ATP5PB: variants seen among roughly 807,000 people sequenced by gnomAD.
The protein encoded by ATP5PB is ATP synthase peripheral stalk-membrane subunit b, also known as ATP synthase peripheral stalk subunit b, mitochondrial.
ATP5PB carries 21 observed loss-of-function variants against 34.5 expected under a neutral mutation model. The ratio of observed to expected loss-of-function variants is 0.61; its 90% CI spans 0.43 to 0.88. The LOEUF (loss-of-function observed/expected upper bound fraction) is 0.88. ATP5PB is among the 40% of genes least tolerant of loss of function. The pLI is 0.00. For synonymous variants in ATP5PB, 108 were observed against 114.1 expected (o/e 0.95, Z 0.34); for missense variants, 293 against 317.4 (o/e 0.92, Z 0.58).
Position 111,462,767 on chromosome 1 carries a change from T to C in ATP5PB, c.*1773T>C, listed in dbSNP as rs1008726958. On this transcript the variant is annotated 3_prime_UTR_variant, in exon 7 of 7. Transcript: ENST00000369722. ...TTCAAATTGATTAAACAAAAAATTATAAAACACCTAGTTTGTGCTAAGCAA... is the reference window on the plus strand; with the variant it reads ...TTCAAATTGATTAAACAAAAAATTACAAAACACCTAGTTTGTGCTAAGCAA... 2 of 152,242 alleles carry C rather than the reference T, an allele frequency of 1.3e-5. No homozygotes were observed. The highest frequency in any genetic ancestry group is 2.9e-5 in the Non-Finnish European group (2 of 68,038). The allele number at this position is 152,242 out of a possible 1,614,324, so 9.4% of individuals were successfully genotyped here.
intron 5 of ATP5PB, among the ~76,000 whole-genome samples, chr1:111,457,938 A>G (rs970456905): frequency 1.3e-5 from 2 of 152,240 alleles, no homozygotes; most frequent in African/African-American, 2.4e-5. Flanking sequence ...TTAAAAAACC[A>G]TATTGGAAAA....
In ATP5PB at chr1:111,451,739, T is replaced by C. The variant is rs915519799; in HGVS notation, c.77+1866T>C. 3.3e-5 allele frequency among the ~76,000 whole-genome samples: 5 copies of C among 152,138 alleles called. No individual in the cohort carries two copies. The South Asian group carries it at 1.0e-3, about 32-fold the overall frequency. ...AGGCAGAAGGAGCAGCATAAGGCAA[T>C]TTTTTTGTGGTGTTTCTTTGTTTGT... On this transcript the variant is annotated intron_variant, in intron 2 of 6. Coordinates refer to ENST00000369722, the MANE Select transcript of ATP5PB (RefSeq NM_001688.5).
At chr1:111,457,313 A>ACACACACACACACACACG (rs1653502711) in intron 5 of ATP5PB, among the ~76,000 whole-genome samples, 1 of 55,782 alleles carries the variant, frequency 1.8e-5, no homozygotes, top group African/African-American at 1.5e-4. Context: ...ACTCTCTCAA[A>ACACACACACACACACACG]CACACACACA....
chr1:111,455,919 C>T (rs570496897), intron 3 of ATP5PB, among the ~76,000 whole-genome samples, 167 bp from the exon 4 acceptor site: 2 of 152,316 alleles, frequency 1.3e-5, no homozygotes, highest in East Asian at 3.9e-4. Flanking sequence ...GAGTCCATAT[C>T]TTTGTTCTTT....
At chr1:111,459,689 A>G (rs577284410) in intron 6 of ATP5PB, 53 bp downstream of exon 6, 83 of 1,552,284 alleles carry the variant, frequency 5.3e-5, no homozygotes, top group Non-Finnish European at 6.9e-5. Flanking sequence ...CTTAACAAGT[A>G]TCTGCTGATG....
intron 2 of ATP5PB, among the ~76,000 whole-genome samples, chr1:111,452,787 G>A (rs1282388069): frequency 2.0e-5 from 3 of 152,154 alleles, no homozygotes; most frequent in Non-Finnish European, 4.4e-5. Flanking sequence ...TGTTACCATA[G>A]GATGGGTCGG....
intron 2 of ATP5PB, among the ~76,000 whole-genome samples, 164 bp from the exon 3 acceptor site, chr1:111,454,047 A>G (rs1170400764): frequency 6.6e-6 from 1 of 152,234 alleles, no homozygotes; most frequent in Non-Finnish European, 1.5e-5. Context: ...GTCACAGCTG[A>G]TTACTGGACC....
chr1:111,454,376 C>T lies in ATP5PB; in HGVS notation c.223+20C>T. On this transcript the variant is annotated intron_variant, in intron 3 of 6. Coordinates refer to ENST00000369722, the MANE Select transcript of ATP5PB (RefSeq NM_001688.5). ...TAACAGGTGAGCATTTTTGCCTAGT[C>T]TCTGGTAATATGTTTTGATGGCACC... 1 of 1,579,116 alleles carries T rather than the reference C, an allele frequency of 6.3e-7. No homozygotes were observed.
intron 3 of ATP5PB, among the ~76,000 whole-genome samples, chr1:111,454,999 T>G (rs1653432310): frequency 6.6e-6 from 1 of 152,202 alleles, no homozygotes; most frequent in Non-Finnish European, 1.5e-5. Context: ...AACTGTATAA[T>G]ATACTGTTAG....
chr1:111,449,734 G>A, intron 1 of ATP5PB, 103 bp from the exon 2 acceptor site: 2 of 1,584,322 alleles, frequency 1.3e-6, no homozygotes, highest in African/African-American at 1.3e-5. Context: ...TGAGGGACGG[G>A]AAAGAGGGGT....
chr1:111,456,300 G>A, intron 4 of ATP5PB, 51 bp downstream of exon 4: 6 of 1,476,568 alleles, frequency 4.1e-6, no homozygotes, highest in Non-Finnish European at 5.4e-6. Flanking sequence ...AAACATGAAG[G>A]TCATCTAGTG....
At chr1:111,453,673 C>T (rs1653391620) in intron 2 of ATP5PB, among the ~76,000 whole-genome samples, 1 of 152,218 alleles carries the variant, frequency 6.6e-6, no homozygotes, top group South Asian at 2.1e-4. Context: ...GAGCTTACAA[C>T]ATATCAGGCA....
At chr1:111,453,371 T>TAA (rs1157824776) in intron 2 of ATP5PB, among the ~76,000 whole-genome samples, 1 of 150,288 alleles carries the variant, frequency 6.7e-6, no homozygotes, top group Non-Finnish European at 1.5e-5. Flanking sequence ...AGACTATACT[T>TAA]AAAGTATTAT....
intron 2 of ATP5PB, among the ~76,000 whole-genome samples, chr1:111,450,458 C>T (rs1653289465): frequency 6.6e-6 from 1 of 152,210 alleles, no homozygotes; most frequent in African/African-American, 2.4e-5. Flanking sequence ...GGCTCCACAG[C>T]CAGTACAGGG....
intron 5 of ATP5PB, 88 bp from the exon 6 acceptor site, chr1:111,459,369 G>T (rs1413601213): frequency 1.6e-6 from 2 of 1,251,366 alleles, no homozygotes; most frequent in East Asian, 4.9e-5. Flanking sequence ...TACAAAAGAA[G>T]TGGGCATTCT....
chr1:111,456,057 C>T (rs12047479), intron 3 of ATP5PB, 29 bp from the exon 4 acceptor site: 5 of 1,527,878 alleles, frequency 3.3e-6, no homozygotes, highest in East Asian at 4.7e-5. Context: ...TAGCATATCC[C>T]TTCATAAAAT....
chr1:111,452,446 C>T (rs1033995342), intron 2 of ATP5PB, among the ~76,000 whole-genome samples: 1 of 152,106 alleles, frequency 6.6e-6, no homozygotes, highest in African/African-American at 2.4e-5. Context: ...GCCTGTAATC[C>T]CAGCTACTCA....
Position 111,459,459 on chromosome 1 carries a change from T to A in ATP5PB, c.516T>A (p.Asn172Lys). 6.2e-7 allele frequency: 1 copy of A among 1,602,540 alleles called. No individual in the cohort carries two copies. Among genetic ancestry groups the A allele is most frequent in the Non-Finnish European group, 8.5e-7 (1 of 1,173,360 alleles). ...KRHYLFDVQRNNIAMALEVTY... is the reference protein window; with the variant it reads ...KRHYLFDVQRKNIAMALEVTY... ...ATCATTTCTTAATTTTGCCCCAGAA[T>A]AACATTGCTATGGCTTTGGAAGTTA... Residue 172 changes from asparagine to lysine, a missense_variant and splice_region_variant, in exon 6 of 7, where the codon AAT becomes AAA. Transcript: ENST00000369722.
chr1:111,449,970 C>T (rs1296919738), intron 2 of ATP5PB, 97 bp downstream of exon 2: 2 of 1,524,032 alleles, frequency 1.3e-6, no homozygotes, highest in South Asian at 1.1e-5. Flanking sequence ...TCAGAAATTT[C>T]TTTCCGATAA....
Sources: allele counts gnomAD v4.1 joint callset (sites outside exome capture counted in the v4.1 genomes callset), GRCh38; gene constraint gnomAD v4.1.1; transcripts MANE v1.5; gene names NCBI Gene and HGNC (gene_info 2026-07-23, HGNC 2026-07-21).